SMCHD1: variants seen among roughly 807,000 people sequenced by gnomAD.
SMCHD1 encodes structural maintenance of chromosomes flexible hinge domain-containing protein 1.
In SMCHD1, 78 loss-of-function variants were observed where a neutral mutation model predicts 254.7. The observed-to-expected ratio is 0.31, with a 90% CI of 0.26 to 0.37. The LOEUF is 0.37. Among genes scored for constraint, SMCHD1 ranks in the 10% least tolerant of loss-of-function variants. The pLI is 1.00. For missense variants in SMCHD1, 1,840 were observed against 2,408.1 expected, an observed-to-expected ratio of 0.76 and a Z score of 4.94; for synonymous variants, 766 against 794.9, an observed-to-expected ratio of 0.96 and a Z score of 0.61.
chr18:2,669,521 TC>T (rs112838898), intron 3 of SMCHD1, among the ~76,000 whole-genome samples: 142 of 152,292 alleles, frequency 9.3e-4, no homozygotes, highest in African/African-American at 3.2e-3. Flanking sequence ...CTTTCTTCTC[TC>T]CCCACCTTAT....
intron 7 of SMCHD1, among the ~76,000 whole-genome samples, chr18:2,690,068 C>T (rs2074141251): frequency 6.6e-6 from 1 of 152,010 alleles, no homozygotes; most frequent in African/African-American, 2.4e-5. Flanking sequence ...ATTTGGCTTT[C>T]TGATTCTAAA....
intron 10 of SMCHD1, among the ~76,000 whole-genome samples, 158 bp downstream of exon 10, chr18:2,698,199 A>G (rs1464003886): frequency 1.3e-5 from 2 of 152,174 alleles, no homozygotes; most frequent in Non-Finnish European, 2.9e-5. Context: ...TAATTTTTGT[A>G]ATTCCTGATT....
rs936543576 is a variant in SMCHD1 at position 2,719,594 on chromosome 18, G to A, written c.2458+1160G>A. Among the ~76,000 whole-genome samples, 5 of 151,886 alleles carry A rather than the reference G, an allele frequency of 3.3e-5. No individual in the cohort carries two copies. In the South Asian group the frequency reaches 8.3e-4, roughly 25 times the overall value. On this transcript the variant is annotated intron_variant, in intron 19 of 47. Coordinates refer to ENST00000320876, the MANE Select transcript of SMCHD1 (RefSeq NM_015295.3). ...TTACAGGTGTGAGCCACTGCACCTG[G>A]CCTTTTTTCTTTTTTGGAGATAGTG...
At position 2,667,041 on chromosome 18, in the gene SMCHD1, C is replaced by T. The variant is rs201631086; in HGVS notation, c.424+10C>T. ...GGACAAAATCCTTTGCGTAAGTATC[C>T]CATTCATACTAATTTTGATAAATTA... On this transcript the variant is annotated intron_variant, in intron 3 of 47. Coordinates refer to ENST00000320876, the MANE Select transcript of SMCHD1 (RefSeq NM_015295.3). The T allele has an allele frequency of 4.0e-4, 622 of 1,547,264 alleles. 3 individuals carry two copies. In the African/African-American group the frequency reaches 7.4e-3, roughly 19 times the overall value.
Position 2,750,351 on chromosome 18 carries a change from G to A in SMCHD1, c.4009G>A (p.Gly1337Arg). ...LGVFSVFAPR[G>R]EHTLQVKAIY... ...CCCTCTCCTCTTTTGTTTTGTTAGG[G>A]GAGAGCATACTCTTCAGGTTAAAGC... The change falls in exon 32 of 48, where the codon GGA (glycine) becomes AGA (arginine). Residue 1337 changes from glycine (G) to arginine (R), a missense_variant and splice_region_variant. By Grantham distance (125) the Gly-to-Arg change is moderately radical. Transcript: ENST00000320876. 1.2e-6 allele frequency: 2 copies of A among 1,606,982 alleles called. No homozygotes were observed. The highest frequency in any genetic ancestry group is 3.4e-5 in the Admixed American group (2 of 58,680).
chr18:2,686,666 TGTGTG>T (rs1701400609), intron 5 of SMCHD1, among the ~76,000 whole-genome samples: 1 of 151,980 alleles, frequency 6.6e-6, no homozygotes, highest in African/African-American at 2.4e-5. Flanking sequence ...AATGCAAACT[TGTGTG>T]GGGAGGCATT....
At position 2,700,674 on chromosome 18, in the gene SMCHD1, T is replaced by C. The variant is rs1284405656; in HGVS notation, c.1463+15T>C. 1.9e-6 allele frequency: 3 copies of C among 1,602,598 alleles called. No homozygotes were observed. In the African/African-American group the frequency reaches 4.0e-5, roughly 22 times the overall value. ...TCAGTTGAAGAGTAAGTTTGATTTT[T>C]GCTGAAATTATGTTTTTACAACTTA... On this transcript the variant is annotated intron_variant, in intron 11 of 47. Coordinates refer to ENST00000320876, the MANE Select transcript of SMCHD1 (RefSeq NM_015295.3).
At chr18:2,685,161 G>T (rs371885381) in intron 5 of SMCHD1, among the ~76,000 whole-genome samples, 4 of 135,364 alleles carry the variant, frequency 3.0e-5, no homozygotes, top group African/African-American at 8.2e-5. Flanking sequence ...CTGCAGTGGT[G>T]CTATCTCGGC....
chr18:2,750,856 C>T (rs2075557764), intron 32 of SMCHD1, among the ~76,000 whole-genome samples: 1 of 151,868 alleles, frequency 6.6e-6, no homozygotes, highest in African/African-American at 2.4e-5. Flanking sequence ...GTAGACTATA[C>T]CGTATATAAA....
chr18:2,698,188 G>A, intron 10 of SMCHD1, 147 bp downstream of exon 10: 1 of 571,022 alleles, frequency 1.8e-6, no homozygotes, highest in South Asian at 2.5e-5. Flanking sequence ...TTAGGTATTT[G>A]TAATTTTTGT....
At chr18:2,800,036 G>A (rs2076331999) in intron 47 of SMCHD1, among the ~76,000 whole-genome samples, 1 of 152,090 alleles carries the variant, frequency 6.6e-6, no homozygotes, top group African/African-American at 2.4e-5. Context: ...GGAGATAACA[G>A]GATAGAAACA....
chr18:2,697,552 C>T (rs1331581065), intron 9 of SMCHD1, among the ~76,000 whole-genome samples: 1 of 152,214 alleles, frequency 6.6e-6, no homozygotes, highest in Non-Finnish European at 1.5e-5. Context: ...CTTCCTACCT[C>T]TAGCAAGAAA....
At chr18:2,798,441 C>A (rs77410949) in intron 47 of SMCHD1, among the ~76,000 whole-genome samples, 1 of 152,098 alleles carries the variant, frequency 6.6e-6, no homozygotes. Context: ...TTCAAAATGA[C>A]GCAAAAATCC....
At chr18:2,737,912 G>A (rs2075280210) in intron 25 of SMCHD1, among the ~76,000 whole-genome samples, 1 of 152,068 alleles carries the variant, frequency 6.6e-6, no homozygotes, top group African/African-American at 2.4e-5. Context: ...AATTAATACA[G>A]AACTAAAAAC....
intron 37 of SMCHD1, among the ~76,000 whole-genome samples, chr18:2,765,206 TG>T (rs1464099137): frequency 6.6e-6 from 1 of 152,216 alleles, no homozygotes; most frequent in Non-Finnish European, 1.5e-5. Context: ...TTTTAGAACT[TG>T]CCTTTGTTTA....
At chr18:2,776,726 C>T (rs2076072459) in intron 42 of SMCHD1, among the ~76,000 whole-genome samples, 1 of 152,026 alleles carries the variant, frequency 6.6e-6, no homozygotes, top group Non-Finnish European at 1.5e-5. Flanking sequence ...TCTACTATGT[C>T]AGTAAACTTG....
chr18:2,748,485 C>A (rs2075511513), intron 30 of SMCHD1, among the ~76,000 whole-genome samples: 1 of 75,182 alleles, frequency 1.3e-5, no homozygotes, highest in African/African-American at 4.5e-5. Flanking sequence ...CCTCTGCCTC[C>A]CAGGTTCAAA....
At chr18:2,778,129 A>G (rs747825041) in intron 43 of SMCHD1, 40 bp from the exon 44 acceptor site, 56 of 1,455,770 alleles carry the variant, frequency 3.8e-5, no homozygotes, top group Non-Finnish European at 4.8e-5. Context: ...GGCCAAGGAA[A>G]ATATCATAAT....
chr18:2,744,024 G>GTTGTT lies in SMCHD1; in HGVS notation c.3801+96_3801+97insTTGTT. The GTTGTT allele has an allele frequency of 7.3e-6, 8 of 1,096,760 alleles. No homozygotes were observed. In the South Asian group the frequency reaches 1.7e-4, roughly 23 times the overall value. The allele number at this position is 1,096,760 out of a possible 1,614,324, so 67.9% of individuals were successfully genotyped here. A position where few individuals can be genotyped will look rare whatever the true frequency, so the allele number is the denominator to read the frequency against. On this transcript the variant is annotated intron_variant, in intron 29 of 47. Transcript: ENST00000320876. ...ATCAGAATAGATATATTTTGTTGCT[G>GTTGTT]AAGTAACAACTAACAGTTGTTAACA...
Sources: allele counts gnomAD v4.1 joint callset (sites outside exome capture counted in the v4.1 genomes callset), GRCh38; gene constraint gnomAD v4.1.1; transcripts MANE v1.5; gene names NCBI Gene and HGNC (gene_info 2026-07-23, HGNC 2026-07-21).